CDC14B: variants seen among roughly 807,000 people sequenced by gnomAD.
CDC14B encodes dual specificity protein phosphatase CDC14B.
A neutral mutation model predicts 64.2 loss-of-function variants in CDC14B; 22 were observed. The observed-to-expected ratio is 0.34, with a 90% confidence interval of 0.24 to 0.49. The LOEUF is 0.49. Among genes scored for constraint, CDC14B ranks in the 20% least tolerant of loss-of-function variants. The pLI is 0.99. For missense variants in CDC14B, 498 were observed against 629.9 expected (o/e 0.79, Z 2.24); for synonymous variants, 191 against 215.8 (o/e 0.89, Z 1.01).
At chr9:96,523,069 T>C (rs1836989255) in intron 11 of CDC14B, among the ~76,000 whole-genome samples, 192 bp downstream of exon 11, 1 of 152,178 alleles carries the variant, frequency 6.6e-6, no homozygotes, top group Admixed American at 6.5e-5. Flanking sequence ...AAGTAAAACA[T>C]AGTTTTATGG....
intron 1 of CDC14B, among the ~76,000 whole-genome samples, chr9:96,584,696 C>G (rs2118447028): frequency 6.6e-6 from 1 of 152,296 alleles, no homozygotes; most frequent in East Asian, 1.9e-4. Context: ...CTTTGTCGCC[C>G]AGGCTGTAGT....
At chr9:96,504,217 C>CA (rs1348042563) in intron 13 of CDC14B, among the ~76,000 whole-genome samples, 2 of 152,032 alleles carry the variant, frequency 1.3e-5, no homozygotes, top group African/African-American at 4.8e-5. Context: ...TGGGTTATTT[C>CA]AAAAGCCAGA....
intron 1 of CDC14B, among the ~76,000 whole-genome samples, chr9:96,604,699 T>A (rs1846761567): frequency 6.7e-6 from 1 of 149,072 alleles, no homozygotes; most frequent in Non-Finnish European, 1.5e-5. Flanking sequence ...GACAGAGTCT[T>A]GCTCTGTCCC....
intron 12 of CDC14B, among the ~76,000 whole-genome samples, chr9:96,514,038 G>T (rs1587759965): frequency 1.3e-5 from 2 of 152,308 alleles, no homozygotes; most frequent in Non-Finnish European, 2.9e-5. Context: ...TAACACCACT[G>T]TAACTGTCAC....
intron 9 of CDC14B, among the ~76,000 whole-genome samples, chr9:96,528,177 T>C (rs925538596): frequency 5.9e-5 from 9 of 152,218 alleles, no homozygotes; most frequent in Admixed American, 4.6e-4. Context: ...GCCATTTCTT[T>C]AGCCTTCCTC....
chr9:96,613,849 T>C (rs1042393400), intron 1 of CDC14B, among the ~76,000 whole-genome samples: 2 of 152,236 alleles, frequency 1.3e-5, no homozygotes, highest in East Asian at 3.8e-4. Context: ...CTTCCATCAC[T>C]GCAATGAATA....
intron 1 of CDC14B, among the ~76,000 whole-genome samples, chr9:96,600,303 A>C (rs1185221066): frequency 6.6e-6 from 1 of 151,738 alleles, no homozygotes; most frequent in African/African-American, 2.4e-5. Context: ...GGAAATGAGA[A>C]ATTAAAATCT....
intron 1 of CDC14B, among the ~76,000 whole-genome samples, chr9:96,615,038 A>C (rs994149833): frequency 2.0e-5 from 3 of 151,926 alleles, no homozygotes; most frequent in African/African-American, 7.3e-5. Flanking sequence ...AAGGGGTTTC[A>C]CCATGTTGGC....
chr9:96,495,244 T>C (rs1289359698), downstream of CDC14B, among the ~76,000 whole-genome samples: 2 of 152,178 alleles, frequency 1.3e-5, no homozygotes, highest in Admixed American at 1.3e-4. Context: ...GGCATCAACT[T>C]GTACATAAAC....
intron 1 of CDC14B, among the ~76,000 whole-genome samples, chr9:96,589,178 T>C (rs1368423626): frequency 6.7e-6 from 1 of 148,840 alleles, no homozygotes. Context: ...TCTACTAAAA[T>C]ACAAAAAAAA....
rs1188542642 is a variant in CDC14B at position 96,566,723 on chromosome 9, CGG to C, written c.161-1242_161-1241del. The C allele has an allele frequency of 1.9e-6, 3 of 1,565,424 alleles. No homozygotes were observed. In the African/African-American group the frequency reaches 4.1e-5, roughly 21 times the overall value. On this transcript the variant is annotated intron_variant, in intron 1 of 13. Coordinates refer to ENST00000375241, the MANE Select transcript of CDC14B (RefSeq NM_033331.4). ...CAGCACTGCCCGCCCTGTCCCAGCG[CGG>C]GTGCCGGAGCCCCCAGGGGAAGCCC...
intron 13 of CDC14B, among the ~76,000 whole-genome samples, chr9:96,505,606 C>A (rs1238412010): frequency 6.6e-6 from 1 of 151,934 alleles, no homozygotes; most frequent in Non-Finnish European, 1.5e-5. Context: ...TTCAACGGAG[C>A]CAATTATTCA....
intron 1 of CDC14B, among the ~76,000 whole-genome samples, chr9:96,604,977 G>A (rs1163713967): frequency 8.5e-5 from 13 of 152,060 alleles, no homozygotes; most frequent in Non-Finnish European, 1.5e-5. Context: ...GCTGAAGCTT[G>A]CATTTTAAAC....
chr9:96,526,325 G>A (rs1349770049), intron 9 of CDC14B, among the ~76,000 whole-genome samples: 1 of 152,146 alleles, frequency 6.6e-6, no homozygotes, highest in South Asian at 2.1e-4. Flanking sequence ...CTGAGATCGC[G>A]CCACTTTACT....
chr9:96,495,666 G>A (rs1051455556), downstream of CDC14B, among the ~76,000 whole-genome samples: 13 of 152,218 alleles, frequency 8.5e-5, no homozygotes, highest in South Asian at 2.1e-4. Flanking sequence ...CAGGAAGAGG[G>A]AAGGTGGATA....
At chr9:96,491,275 ACTGT>A (rs1250544224) in exon 14 of CDC14B, 3 of 152,252 alleles carry the variant, frequency 2.0e-5, no homozygotes, top group Non-Finnish European at 4.4e-5. Flanking sequence ...ACTTTGCCAC[ACTGT>A]CTAAGGTGGC....
At position 96,619,280 on chromosome 9, in the gene CDC14B, G is replaced by A. The variant is rs771272479; in HGVS notation, c.99C>T (p.Ser33=). 5.2e-6 allele frequency: 7 copies of A among 1,355,686 alleles called. No homozygotes were observed. Among genetic ancestry groups the A allele is most frequent in the Non-Finnish European group, 5.7e-6 (6 of 1,048,970 alleles). The allele number at this position is 1,355,686 out of a possible 1,614,324, so 84.0% of individuals were successfully genotyped here. A position where few individuals can be genotyped will look rare whatever the true frequency, so the allele number is the denominator to read the frequency against. ...GGCGGCGCGGGTCTTGCTGCGTGGA[G>A]CTGCGGATCTTCTTCACACCCGGCG... ...STSPGVKKIR[S]STQQDPRRRD... Residue 33 remains serine, a synonymous_variant, in exon 1 of 14, where the codon AGC becomes AGT. Coordinates refer to ENST00000375241, the MANE Select transcript of CDC14B (RefSeq NM_033331.4).
chr9:96,533,698 C>T (rs1397026563), intron 9 of CDC14B, among the ~76,000 whole-genome samples: 1 of 152,102 alleles, frequency 6.6e-6, no homozygotes, highest in African/African-American at 2.4e-5. Context: ...ATAGGATGCA[C>T]CCAATAAATA....
At chr9:96,508,480 C>A (rs1040608530) in intron 13 of CDC14B, among the ~76,000 whole-genome samples, 7 of 152,254 alleles carry the variant, frequency 4.6e-5, no homozygotes, top group African/African-American at 1.2e-4. Flanking sequence ...GTACCGAAAT[C>A]TTTGACCTTT....
Sources: gnomAD v4.1 joint callset for allele counts (sites outside exome capture counted in the v4.1 genomes callset) on GRCh38, gnomAD v4.1.1 for gene constraint, MANE v1.5 for transcripts, NCBI Gene and HGNC (gene_info 2026-07-23, HGNC 2026-07-21) for gene names.